Variants in LEKR1 observed in about 807,000 individuals in gnomAD.
LEKR1 encodes protein LEKR1.
LEKR1 carries 59 observed loss-of-function variants against 72.4 expected under a neutral mutation model. The observed-to-expected ratio is 0.82, with a 90% CI of 0.66 to 1.01. The LOEUF is 1.01. LEKR1 is among the 50% of genes least tolerant of loss of function. LEKR1 has a pLI of 0.00. For synonymous variants in LEKR1, 257 were observed against 263.2 expected (o/e 0.98, Z 0.23); for missense variants, 728 against 759.2 (o/e 0.96, Z 0.48).
chr3:157,015,306 G>A (rs1733221648), intron 10 of LEKR1, among the ~76,000 whole-genome samples: 1 of 152,176 alleles, frequency 6.6e-6, no homozygotes, highest in African/African-American at 2.4e-5. Flanking sequence ...CCTTGCATAT[G>A]TTTATGATCA....
At chr3:157,043,155 G>A (rs1202656623) in intron 12 of LEKR1, among the ~76,000 whole-genome samples, 3 of 152,150 alleles carry the variant, frequency 2.0e-5, no homozygotes, top group Non-Finnish European at 4.4e-5. Flanking sequence ...CTTCCACCAT[G>A]ACTAAAAGCT....
chr3:156,879,781 T>G (rs1481484174), intron 3 of LEKR1, among the ~76,000 whole-genome samples: 1 of 152,184 alleles, frequency 6.6e-6, no homozygotes, highest in Admixed American at 6.5e-5. Flanking sequence ...TAGCCATGGC[T>G]AAAAGGCGCC....
chr3:156,863,688 A>G (rs1717008627), intron 3 of LEKR1, among the ~76,000 whole-genome samples: 1 of 152,122 alleles, frequency 6.6e-6, no homozygotes, highest in South Asian at 2.1e-4. Context: ...AAGAGATTAA[A>G]TAATGATGCT....
rs560838344 is a variant in LEKR1, at chr3:156,875,950, G to T, written c.263+22968G>T. ...GCAGAGCCTGCAGTGAGCCAAGATCGCACCAAGGCACTCCAGCCTGGGCAA... is the reference window on the plus strand; with the variant it reads ...GCAGAGCCTGCAGTGAGCCAAGATCTCACCAAGGCACTCCAGCCTGGGCAA... On this transcript the variant is annotated intron_variant, in intron 3 of 12. Coordinates refer to ENST00000356539, the MANE Select transcript of LEKR1 (RefSeq NM_001004316.3). 1.4e-4 allele frequency among the ~76,000 whole-genome samples: 18 copies of T among 131,690 alleles called. No individual in the cohort carries two copies. In the South Asian group the frequency reaches 2.6e-3, roughly 19 times the overall value. 86.4% of individuals were successfully genotyped at this position (131,690 alleles called of 152,430 possible). A position where few individuals can be genotyped will look rare whatever the true frequency, so the allele number is the denominator to read the frequency against.
intron 3 of LEKR1, among the ~76,000 whole-genome samples, chr3:156,896,783 C>T (rs369347051): frequency 8.6e-5 from 13 of 152,030 alleles, no homozygotes; most frequent in African/African-American, 9.7e-5. Flanking sequence ...ACGGCAAAGA[C>T]GTGGAATCAA....
intron 3 of LEKR1, among the ~76,000 whole-genome samples, chr3:156,867,650 T>G (rs577384746): frequency 6.6e-6 from 1 of 152,222 alleles, no homozygotes; most frequent in Admixed American, 6.6e-5. Context: ...TGGATAGCAC[T>G]TATATTTTTA....
At chr3:157,037,821 A>G (rs1420186915) in intron 12 of LEKR1, among the ~76,000 whole-genome samples, 1 of 152,208 alleles carries the variant, frequency 6.6e-6, no homozygotes, top group Non-Finnish European at 1.5e-5. Flanking sequence ...CTCTGAGGAA[A>G]TAATGAGGCA....
intron 4 of LEKR1, among the ~76,000 whole-genome samples, chr3:156,925,745 A>G (rs1046952420): frequency 6.6e-6 from 1 of 151,988 alleles, no homozygotes; most frequent in Non-Finnish European, 1.5e-5. Context: ...CTCACTTTTT[A>G]AAAAAATTAA....
At chr3:156,829,569 T>G (rs1180506987) in intron 2 of LEKR1, among the ~76,000 whole-genome samples, 192 bp downstream of exon 2, 1 of 152,228 alleles carries the variant, frequency 6.6e-6, no homozygotes, top group African/African-American at 2.4e-5. Context: ...ATTTTGCTGC[T>G]ATGGAAGAAG....
At chr3:156,895,619 A>G (rs919660526) in intron 3 of LEKR1, among the ~76,000 whole-genome samples, 1 of 152,122 alleles carries the variant, frequency 6.6e-6, no homozygotes, top group Non-Finnish European at 1.5e-5. Flanking sequence ...TCAAAAAAAA[A>G]ACAAAAACAG....
intron 2 of LEKR1, among the ~76,000 whole-genome samples, chr3:156,835,553 C>A (rs553082703): frequency 5.9e-5 from 9 of 152,364 alleles, no homozygotes; most frequent in Non-Finnish European, 8.8e-5. Flanking sequence ...ACTGAGGCTA[C>A]TGGGCAACCC....
intron 3 of LEKR1, among the ~76,000 whole-genome samples, chr3:156,874,132 A>G (rs1718290873): frequency 6.6e-6 from 1 of 151,648 alleles, no homozygotes. Context: ...TACTTGATCT[A>G]CTCTATTATT....
intron 9 of LEKR1, among the ~76,000 whole-genome samples, chr3:157,005,401 C>T (rs1732342610): frequency 6.6e-6 from 1 of 152,128 alleles, no homozygotes; most frequent in South Asian, 2.1e-4. Context: ...ACTATTTATA[C>T]TCAAACTCTT....
intron 2 of LEKR1, among the ~76,000 whole-genome samples, chr3:156,847,346 T>C (rs957823425): frequency 1.1e-4 from 16 of 152,256 alleles, no homozygotes; most frequent in Non-Finnish European, 2.9e-5. Context: ...GTTTAATATA[T>C]TGCATTTGTT....
At chr3:156,934,148 A>G (rs999956175) in intron 5 of LEKR1, among the ~76,000 whole-genome samples, 1 of 152,172 alleles carries the variant, frequency 6.6e-6, no homozygotes, top group Non-Finnish European at 1.5e-5. Context: ...AATAATATTT[A>G]CTACTACCAG....
intron 10 of LEKR1, among the ~76,000 whole-genome samples, chr3:157,023,853 T>C (rs1279535729): frequency 6.6e-6 from 1 of 152,200 alleles, no homozygotes; most frequent in South Asian, 2.1e-4. Context: ...AGTCAAAGTA[T>C]GGATACAGAT....
At chr3:156,845,760 G>C (rs1026511155) in intron 2 of LEKR1, among the ~76,000 whole-genome samples, 1 of 152,022 alleles carries the variant, frequency 6.6e-6, no homozygotes, top group Non-Finnish European at 1.5e-5. Context: ...ATCAGGTAGT[G>C]ATTCCCCCCA....
Position 156,920,560 on chromosome 3 carries a change from T to C in LEKR1, c.264-15T>C. ...TATGAGAGAATACTTAAGGAATGTT[T>C]GTTTATATTTTTAGAATTTACGATG... On this transcript the variant is annotated splice_polypyrimidine_tract_variant and intron_variant, in intron 3 of 12. Coordinates refer to ENST00000356539, the MANE Select transcript of LEKR1 (RefSeq NM_001004316.3). 7.0e-7 allele frequency: 1 copy of C among 1,423,750 alleles called. No homozygotes were observed. 88.2% of individuals were successfully genotyped at this position (1,423,750 alleles called of 1,614,324 possible). A position where few individuals can be genotyped will look rare whatever the true frequency, so the allele number is the denominator to read the frequency against.
At chr3:156,880,951 C>T (rs1474022319) in intron 3 of LEKR1, among the ~76,000 whole-genome samples, 1 of 152,164 alleles carries the variant, frequency 6.6e-6, no homozygotes, top group Non-Finnish European at 1.5e-5. Context: ...AATTCAAAAA[C>T]CTTCATGCTA....
Sources: gnomAD v4.1 joint callset for allele counts (sites outside exome capture counted in the v4.1 genomes callset) on GRCh38, gnomAD v4.1.1 for gene constraint, MANE v1.5 for transcripts, NCBI Gene and HGNC (gene_info 2026-07-23, HGNC 2026-07-21) for gene names.